ADAMTSL1: variants seen among roughly 807,000 people sequenced by gnomAD.
ADAMTSL1 encodes the protein ADAMTS like 1.
ADAMTSL1 carries 126 observed loss-of-function variants against 201.8 expected under a neutral mutation model. The ratio of observed to expected loss-of-function variants is 0.62; its 90% CI spans 0.54 to 0.72. The LOEUF is 0.72. Ranked by LOEUF, ADAMTSL1 falls within the 30% of genes least tolerant of loss-of-function variation. The pLI is 0.00. For synonymous variants in ADAMTSL1, 1,121 were observed against 903.4 expected (o/e 1.24, Z -4.32); for missense variants, 2,679 against 2,277.8 (o/e 1.18, Z -3.59).
intron 2 of ADAMTSL1, among the ~76,000 whole-genome samples, chr9:18,447,272 G>C (rs758952100): frequency 6.6e-6 from 1 of 152,170 alleles, no homozygotes; most frequent in Non-Finnish European, 1.5e-5. Context: ...ATGACAGCCA[G>C]AATTCTACTA....
chr9:18,854,662 A>T (rs1251271990), intron 23 of ADAMTSL1, among the ~76,000 whole-genome samples: 2 of 152,214 alleles, frequency 1.3e-5, no homozygotes, highest in Non-Finnish European at 2.9e-5. Context: ...GGCAGAGAGA[A>T]AGAGCTAGAG....
intron 2 of ADAMTSL1, among the ~76,000 whole-genome samples, chr9:18,273,720 C>T (rs1030632071): frequency 1.3e-5 from 2 of 152,218 alleles, no homozygotes; most frequent in Non-Finnish European, 1.5e-5. Flanking sequence ...ATTTCACTCA[C>T]AATGCCAACC....
chr9:18,860,757 G>A (rs1488889663), intron 23 of ADAMTSL1, among the ~76,000 whole-genome samples: 2 of 151,956 alleles, frequency 1.3e-5, no homozygotes, highest in African/African-American at 2.4e-5. Flanking sequence ...TATATTCTAG[G>A]GTTTCTCAGC....
At chr9:18,142,088 A>C (rs1826424311) in intron 1 of ADAMTSL1, among the ~76,000 whole-genome samples, 1 of 152,188 alleles carries the variant, frequency 6.6e-6, no homozygotes, top group Non-Finnish European at 1.5e-5. Flanking sequence ...GTTAGAGAAC[A>C]CTGAGGAATG....
intron 23 of ADAMTSL1, among the ~76,000 whole-genome samples, chr9:18,858,706 C>T (rs1029763943): frequency 2.0e-5 from 3 of 152,162 alleles, no homozygotes; most frequent in Non-Finnish European, 2.9e-5. Flanking sequence ...CACTTGCTTA[C>T]GTCAAATCTT....
At chr9:17,930,184 G>A (rs117221513) in intron 1 of ADAMTSL1, among the ~76,000 whole-genome samples, 4,425 of 152,208 alleles carry the variant, frequency 0.029, 102 homozygotes, top group Non-Finnish European at 0.042. Context: ...GGGCTGAAGT[G>A]GGGGTAGGTG....
At position 18,706,773 on chromosome 9, in the gene ADAMTSL1, GCA is replaced by G; in HGVS notation, c.1604_1605del (p.Thr535SerfsTer26). 3 of 1,607,118 alleles carry G rather than the reference GCA, an allele frequency of 1.9e-6. No individual in the cohort carries two copies. Among genetic ancestry groups the G allele is most frequent in the Non-Finnish European group, 2.5e-6 (3 of 1,176,736 alleles). On this transcript the variant is annotated frameshift_variant, in exon 14 of 29. Transcript: ENST00000380548. LOFTEE classifies it high-confidence loss of function. ...TTCATCCCAGAGGCCTGGTCGGCCT[GCA>G]CAGTCACCTGTGGTGTGGGGACCCA... is the stretch of plus-strand genomic sequence containing the variant.
chr9:18,125,080 A>C (rs1459278108), intron 1 of ADAMTSL1, among the ~76,000 whole-genome samples: 2 of 152,194 alleles, frequency 1.3e-5, no homozygotes, highest in African/African-American at 4.8e-5. Context: ...CCATTTTCAC[A>C]CTGCTGATAA....
chr9:18,746,098 C>T (rs1407956878), intron 15 of ADAMTSL1, among the ~76,000 whole-genome samples: 1 of 152,246 alleles, frequency 6.6e-6, no homozygotes, highest in African/African-American at 2.4e-5. Context: ...AGCTCCCCAC[C>T]TCCACTGAAA....
chr9:18,712,046 A>G (rs62551687), intron 14 of ADAMTSL1, among the ~76,000 whole-genome samples: 50 of 144,750 alleles, frequency 3.5e-4, no homozygotes, highest in Admixed American at 1.9e-3. Context: ...CCTGTCTGTT[A>G]GAAGGAAAAC....
At chr9:18,678,414 A>AT (rs1830248542) in intron 10 of ADAMTSL1, among the ~76,000 whole-genome samples, 1 of 152,132 alleles carries the variant, frequency 6.6e-6, no homozygotes, top group South Asian at 2.1e-4. Context: ...ACATAACCCT[A>AT]TTATTATACA....
chr9:18,262,259 G>A lies in ADAMTSL1; in HGVS notation c.207+98278G>A, dbSNP rs187771011. On this transcript the variant is annotated intron_variant, in intron 2 of 29. Coordinates refer to the ADAMTSL1 transcript ENST00000680146. ...AGCTAAGGATCATATATTAGGGGGT[G>A]GTGGAGACTGTGGCAAAATAGAACA... Among the ~76,000 whole-genome samples, 39 of 152,194 alleles carry A rather than the reference G, an allele frequency of 2.6e-4. No individual in the cohort carries two copies. In the South Asian group the frequency reaches 7.7e-3, roughly 30 times the overall value.
chr9:18,060,214 T>A (rs1378200231), intron 1 of ADAMTSL1, among the ~76,000 whole-genome samples: 4 of 152,218 alleles, frequency 2.6e-5, no homozygotes, highest in Non-Finnish European at 5.9e-5. Context: ...TCATATACCC[T>A]ACTTTGTACT....
chr9:18,683,698 T>C (rs1830658053), intron 12 of ADAMTSL1, among the ~76,000 whole-genome samples: 1 of 152,226 alleles, frequency 6.6e-6, no homozygotes, highest in Non-Finnish European at 1.5e-5. Context: ...GAACAAGAAG[T>C]GATGCCCCTA....
chr9:18,905,420 G>A (rs915653813), intron 26 of ADAMTSL1: 15 of 215,330 alleles, frequency 7.0e-5, no homozygotes, highest in Non-Finnish European at 9.4e-5. Context: ...TCTCTGCACC[G>A]AAGGGGTGGA....
chr9:18,258,969 C>T (rs1014604315), intron 2 of ADAMTSL1, among the ~76,000 whole-genome samples: 5 of 152,314 alleles, frequency 3.3e-5, no homozygotes, highest in Admixed American at 6.5e-5. Context: ...AGAATTGCCA[C>T]GATCATTCAA....
intron 4 of ADAMTSL1, among the ~76,000 whole-genome samples, chr9:18,615,808 A>G (rs1825667282): frequency 6.6e-6 from 1 of 152,170 alleles, no homozygotes; most frequent in Non-Finnish European, 1.5e-5. Context: ...TTCGGCTTCT[A>G]GAGCCCAGTG....
intron 2 of ADAMTSL1, among the ~76,000 whole-genome samples, chr9:18,264,497 T>G (rs1447042106): frequency 6.6e-6 from 1 of 152,096 alleles, no homozygotes; most frequent in Non-Finnish European, 1.5e-5. Context: ...GGGAGTGATG[T>G]CCACAGATGG....
intron 1 of ADAMTSL1, among the ~76,000 whole-genome samples, chr9:18,007,998 C>T (rs1819899718): frequency 1.3e-5 from 2 of 151,906 alleles, no homozygotes; most frequent in African/African-American, 4.8e-5. Flanking sequence ...GCCCCTTATT[C>T]CTTAGCTTAA....
Sources: gnomAD v4.1 joint callset for allele counts (sites outside exome capture counted in the v4.1 genomes callset) on GRCh38, gnomAD v4.1.1 for gene constraint, MANE v1.5 for transcripts, NCBI Gene and HGNC (gene_info 2026-07-23, HGNC 2026-07-21) for gene names.